ULK4: variants seen among roughly 807,000 people sequenced by gnomAD.
ULK4 encodes inactive serine/threonine-protein kinase ULK4.
In ULK4, 133 loss-of-function variants were observed where a neutral mutation model predicts 160.6. The ratio of observed to expected loss-of-function variants is 0.83; its 90% CI spans 0.72 to 0.96. The LOEUF is 0.96. ULK4 is among the 40% of genes least tolerant of loss of function. The pLI is 0.00. For missense variants in ULK4, 1,580 were observed against 1,499.5 expected, an observed-to-expected ratio of 1.05 and a Z score of -0.89; for synonymous variants, 534 against 539.8, an observed-to-expected ratio of 0.99 and a Z score of 0.15.
Position 41,825,309 on chromosome 3 carries a change from G to A in ULK4, c.1765-5803C>T, listed in dbSNP as rs570667490. ...CACCAGCAACGGAACAAAGCTGGAT[G>A]GAGAATGCCTTTGACGAGTTGAGAG... On this transcript the variant is annotated intron_variant, in intron 18 of 36. Transcript: ENST00000301831. Among the ~76,000 whole-genome samples, 25 of 152,354 alleles carry A rather than the reference G, an allele frequency of 1.6e-4. 1 individual carries two copies. The South Asian group carries it at 3.1e-3, about 19-fold the overall frequency.
Position 41,789,644 on chromosome 3 carries a change from TA to T in ULK4, c.2193+16del. On this transcript the variant is annotated intron_variant, in intron 21 of 36. Coordinates refer to ENST00000301831, the MANE Select transcript of ULK4 (RefSeq NM_017886.4). ...ACAATTTTTAATGTAGAGTAACAGGTAAAATCTAAGTCAAACCTTTTCTTGG... is the reference window on the plus strand; with the variant it reads ...ACAATTTTTAATGTAGAGTAACAGGTAAATCTAAGTCAAACCTTTTCTTGG... The T allele has an allele frequency of 6.5e-7, 1 of 1,546,060 alleles. No individual in the cohort carries two copies. Among genetic ancestry groups the T allele is most frequent in the Non-Finnish European group, 8.7e-7 (1 of 1,146,996 alleles).
intron 31 of ULK4, among the ~76,000 whole-genome samples, chr3:41,566,960 G>C (rs1405901509): frequency 6.6e-6 from 1 of 152,170 alleles, no homozygotes; most frequent in Non-Finnish European, 1.5e-5. Flanking sequence ...CTCACTCTCA[G>C]GTTCCTGTAA....
intron 16 of ULK4, among the ~76,000 whole-genome samples, chr3:41,889,618 A>C (rs1697844900): frequency 6.6e-6 from 1 of 152,314 alleles, no homozygotes; most frequent in South Asian, 2.1e-4. Flanking sequence ...TGACCAAATA[A>C]TCTGTACAAG....
intron 32 of ULK4, among the ~76,000 whole-genome samples, chr3:41,468,522 A>G (rs1317118819): frequency 2.0e-5 from 3 of 152,178 alleles, no homozygotes; most frequent in Non-Finnish European, 4.4e-5. Flanking sequence ...AGGAGGTCTT[A>G]GGTTTCCGCA....
chr3:41,463,095 C>T lies in ULK4; in HGVS notation c.3385G>A (p.Ala1129Thr), dbSNP rs1228176716. 3 of 1,612,626 alleles carry T rather than the reference C, an allele frequency of 1.9e-6. No homozygotes were observed. The highest frequency in any genetic ancestry group is 1.7e-5 in the Admixed American group (1 of 59,944). The change falls in exon 33 of 37, where the codon GCT (alanine) becomes ACT (threonine). Residue 1129 changes from alanine to threonine, a missense_variant. Transcript: ENST00000301831. ...LTYTSGIVRL[A>T]LQAQKSGSGE... ...GAAAACAGATCCTCTACCTGCAAAGCCAGCCGTACAATACCGGAGGTATAG... is the reference window on the plus strand; with the variant it reads ...GAAAACAGATCCTCTACCTGCAAAGTCAGCCGTACAATACCGGAGGTATAG...
intron 17 of ULK4, among the ~76,000 whole-genome samples, chr3:41,850,287 T>C (rs1003795174): frequency 5.9e-5 from 9 of 152,240 alleles, no homozygotes; most frequent in Non-Finnish European, 8.8e-5. Context: ...TGCATGTGTC[T>C]TTATAGCAGC....
chr3:41,746,498 A>C (rs2038429122), intron 22 of ULK4, among the ~76,000 whole-genome samples: 1 of 151,546 alleles, frequency 6.6e-6, no homozygotes, highest in Non-Finnish European at 1.5e-5. Context: ...GGTTAAAAAA[A>C]AAAAACTAAA....
At chr3:41,773,039 C>A (rs2039457302) in intron 21 of ULK4, among the ~76,000 whole-genome samples, 1 of 152,126 alleles carries the variant, frequency 6.6e-6, no homozygotes, top group African/African-American at 2.4e-5. Flanking sequence ...GCTAAAAACT[C>A]TCAATAAATT....
chr3:41,549,441 A>T (rs2086985536), intron 32 of ULK4, among the ~76,000 whole-genome samples: 1 of 152,182 alleles, frequency 6.6e-6, no homozygotes, highest in African/African-American at 2.4e-5. Context: ...CATATAAAGC[A>T]GAAGACAGAA....
At chr3:41,317,352 G>A (rs1219197141) in intron 35 of ULK4, among the ~76,000 whole-genome samples, 1 of 152,142 alleles carries the variant, frequency 6.6e-6, no homozygotes, top group Non-Finnish European at 1.5e-5. Flanking sequence ...TGGGGTTACA[G>A]GCGTGAGCCA....
At chr3:41,472,291 G>A (rs182895526) in intron 32 of ULK4, among the ~76,000 whole-genome samples, 138 of 152,116 alleles carry the variant, frequency 9.1e-4, no homozygotes, top group African/African-American at 2.9e-3. Context: ...AATCTGGGCT[G>A]GGCATGGTGG....
intron 30 of ULK4, among the ~76,000 whole-genome samples, chr3:41,644,266 G>C (rs1380611895): frequency 6.6e-6 from 1 of 151,756 alleles, no homozygotes; most frequent in African/African-American, 2.4e-5. Flanking sequence ...TCCCTGTCTT[G>C]TGCCAGTTTT....
chr3:41,711,067 T>C (rs1011455655), intron 25 of ULK4, among the ~76,000 whole-genome samples: 1 of 152,128 alleles, frequency 6.6e-6, no homozygotes, highest in South Asian at 2.1e-4. Context: ...AGACAAGCTC[T>C]TGGGGAGAGA....
intron 30 of ULK4, among the ~76,000 whole-genome samples, chr3:41,629,887 C>T (rs1391569075): frequency 6.6e-6 from 1 of 152,016 alleles, no homozygotes; most frequent in Non-Finnish European, 1.5e-5. Flanking sequence ...ATTCCAGCTA[C>T]TCAGGAGGCT....
At chr3:41,737,857 T>C (rs775227192) in intron 22 of ULK4, among the ~76,000 whole-genome samples, 1 of 151,948 alleles carries the variant, frequency 6.6e-6, no homozygotes, top group African/African-American at 2.4e-5. Flanking sequence ...AGCACATCTA[T>C]AGACCTACTC....
Position 41,907,929 on chromosome 3 carries a change from A to T in ULK4, c.1098T>A (p.Thr366=). The change falls in exon 12 of 37, where the codon ACT becomes ACA. Residue 366 remains threonine (T), a synonymous_variant. Coordinates refer to ENST00000301831, the MANE Select transcript of ULK4 (RefSeq NM_017886.4). ...ESMFLLSSRP[T]PRTSTAVEVS... is the part of the protein sequence containing the mutation. ...CTTCCACTGCAGTGCTAGTTCTGGG[A>T]GTAGGACGAGAACTGAAAAATACAA... The T allele has an allele frequency of 6.2e-7, 1 of 1,604,656 alleles. No homozygotes were observed. Among genetic ancestry groups the T allele is most frequent in the Non-Finnish European group, 8.5e-7 (1 of 1,176,064 alleles).
chr3:41,417,146 G>A (rs1227539388), intron 34 of ULK4, among the ~76,000 whole-genome samples: 1 of 152,176 alleles, frequency 6.6e-6, no homozygotes, highest in Non-Finnish European at 1.5e-5. Context: ...TGAAGCATAC[G>A]TTGATGCAGT....
At chr3:41,806,702 TTCAAAGAACA>T (rs1210275430) in intron 19 of ULK4, among the ~76,000 whole-genome samples, 1 of 152,196 alleles carries the variant, frequency 6.6e-6, no homozygotes. Flanking sequence ...TCTCGTTGGT[TTCAAAGAACA>T]TCTTTATTTT....
intron 32 of ULK4, among the ~76,000 whole-genome samples, chr3:41,543,552 T>C (rs1489544529): frequency 6.6e-6 from 1 of 152,192 alleles, no homozygotes; most frequent in Non-Finnish European, 1.5e-5. Context: ...TATGCCTGCT[T>C]GTAGTCACAT....
Sources: allele counts gnomAD v4.1 joint callset (sites outside exome capture counted in the v4.1 genomes callset), GRCh38; gene constraint gnomAD v4.1.1; transcripts MANE v1.5; gene names NCBI Gene and HGNC (gene_info 2026-07-23, HGNC 2026-07-21).